The following GLG1 variants were observed in gnomAD, a reference collection of about 807,000 sequenced individuals.
GLG1 encodes the protein golgi glycoprotein 1.
In GLG1, 38 loss-of-function variants were observed where a neutral mutation model predicts 160.5. The ratio of observed to expected loss-of-function variants is 0.24; its 90% CI spans 0.18 to 0.31. The LOEUF (loss-of-function observed/expected upper bound fraction) is 0.31. Among genes scored for constraint, GLG1 ranks in the 10% least tolerant of loss-of-function variants. The pLI, the probability that GLG1 is intolerant of heterozygous loss-of-function variation, is 1.00. For missense variants in GLG1, 1,373 were observed against 1,505.2 expected (o/e 0.91, Z 1.45); for synonymous variants, 644 against 543.4 (o/e 1.19, Z -2.57).
intron 2 of GLG1, among the ~76,000 whole-genome samples, chr16:74,509,934 G>C (rs1433121554): frequency 2.0e-5 from 3 of 151,308 alleles, no homozygotes; most frequent in African/African-American, 7.3e-5. Context: ...CAATTCCCCT[G>C]CCTTGGCCTC....
chr16:74,474,884 T>C (rs1274570423), intron 12 of GLG1, among the ~76,000 whole-genome samples: 1 of 152,002 alleles, frequency 6.6e-6, no homozygotes. Context: ...AGGCTGGGCA[T>C]GATGGCTCAC....
chr16:74,477,260 G>A (rs1597243397), intron 12 of GLG1, 136 bp downstream of exon 12: 2 of 742,146 alleles, frequency 2.7e-6, no homozygotes, highest in East Asian at 2.8e-5. Context: ...TTCTTCCAGA[G>A]AAAATATTGA....
intron 16 of GLG1, chr16:74,469,358 C>A: frequency 2.4e-6 from 1 of 423,198 alleles, no homozygotes; most frequent in African/African-American, 2.0e-5. Context: ...CATGTGACCA[C>A]AGAGGAATGC....
At chr16:74,597,629 G>A (rs768628802) in intron 1 of GLG1, among the ~76,000 whole-genome samples, 5 of 151,774 alleles carry the variant, frequency 3.3e-5, no homozygotes, top group Non-Finnish European at 5.9e-5. Flanking sequence ...CGAAGCTGGC[G>A]GATAACGAGG....
At chr16:74,599,149 T>C (rs555440293) in intron 1 of GLG1, among the ~76,000 whole-genome samples, 22 of 152,328 alleles carry the variant, frequency 1.4e-4, no homozygotes, top group African/African-American at 5.3e-4. Flanking sequence ...ACTTTACAGG[T>C]AATTCTCAAT....
chr16:74,573,203 C>CA (rs889189874), intron 1 of GLG1, among the ~76,000 whole-genome samples: 72 of 152,034 alleles, frequency 4.7e-4, no homozygotes, highest in Admixed American at 7.9e-4. Flanking sequence ...TATTTCTAGA[C>CA]AAAAAAACCC....
chr16:74,497,029 A>G (rs1001056588), intron 4 of GLG1, among the ~76,000 whole-genome samples: 18 of 152,172 alleles, frequency 1.2e-4, no homozygotes, highest in Non-Finnish European at 2.6e-4. Context: ...CTGTAATTTC[A>G]GCACTTTGGA....
At chr16:74,544,995 T>G (rs1418376313) in intron 1 of GLG1, among the ~76,000 whole-genome samples, 6 of 151,026 alleles carry the variant, frequency 4.0e-5, no homozygotes, top group Non-Finnish European at 2.9e-5. Flanking sequence ...ACAAAAGAAG[T>G]GTTCTATTAA....
chr16:74,474,195 G>A (rs553998673), intron 13 of GLG1: 4 of 170,462 alleles, frequency 2.3e-5, no homozygotes, highest in South Asian at 1.7e-4. Flanking sequence ...CTCGAGATCC[G>A]CCTGCCTCGG....
intron 1 of GLG1, among the ~76,000 whole-genome samples, chr16:74,568,510 C>T (rs1372717897): frequency 5.9e-5 from 9 of 151,656 alleles, no homozygotes; most frequent in Non-Finnish European, 1.0e-4. Flanking sequence ...CTCCGCCTCC[C>T]GGGTTCAAGC....
intron 2 of GLG1, among the ~76,000 whole-genome samples, chr16:74,525,834 T>G (rs1210208846): frequency 6.6e-6 from 1 of 151,502 alleles, no homozygotes; most frequent in East Asian, 1.9e-4. Flanking sequence ...TAGTGTCTGA[T>G]GCACAAAAGT....
chr16:74,484,126 T>G (rs2015704714), intron 9 of GLG1, among the ~76,000 whole-genome samples: 1 of 152,050 alleles, frequency 6.6e-6, no homozygotes, highest in Non-Finnish European at 1.5e-5. Flanking sequence ...CTGTAAATAT[T>G]CCTAATTAGT....
intron 1 of GLG1, among the ~76,000 whole-genome samples, chr16:74,557,735 A>G (rs1187924634): frequency 6.6e-6 from 1 of 151,982 alleles, no homozygotes; most frequent in East Asian, 1.9e-4. Context: ...GTTCCTTGGT[A>G]GAAAGTGTCC....
rs1567483078 is a variant in GLG1 at position 74,498,447 on chromosome 16, AGTAT to A, written c.775-1807_775-1804del. ...AGGCTCTGTCTCAAAAAAAAAAAAA[AGTAT>A]ATATATATATATATATTATATTTTA... is the stretch of plus-strand genomic sequence containing the variant. On this transcript the variant is annotated intron_variant, in intron 4 of 25. Transcript: ENST00000422840. Among the ~76,000 whole-genome samples, 16 of 8,226 alleles carry A rather than the reference AGTAT, an allele frequency of 1.9e-3. 3 individuals are homozygous for A. Among genetic ancestry groups the A allele is most frequent in the Admixed American group, 5.8e-3 (2 of 346 alleles). The allele number at this position is 8,226 out of a possible 152,430, so 5.4% of individuals were successfully genotyped here.
At chr16:74,504,613 T>C (rs1190962013) in intron 3 of GLG1, among the ~76,000 whole-genome samples, 1 of 152,228 alleles carries the variant, frequency 6.6e-6, no homozygotes, top group Admixed American at 6.5e-5. Context: ...CATTAATGTG[T>C]TCTAAATTAA....
intron 22 of GLG1, chr16:74,461,400 C>G (rs1314539227): frequency 6.6e-6 from 1 of 150,544 alleles, no homozygotes; most frequent in African/African-American, 2.4e-5. Flanking sequence ...ATCTCCTGAC[C>G]TCATGATCTG....
chr16:74,518,891 T>C (rs1254614486), intron 2 of GLG1, among the ~76,000 whole-genome samples: 1 of 152,056 alleles, frequency 6.6e-6, no homozygotes, highest in Non-Finnish European at 1.5e-5. Flanking sequence ...TTGGTGGGAG[T>C]GTAAATTAGT....
At chr16:74,480,181 G>T in intron 11 of GLG1, 60 bp downstream of exon 11, 2 of 1,369,862 alleles carry the variant, frequency 1.5e-6, no homozygotes, top group Non-Finnish European at 2.1e-6. Context: ...AGAATATACA[G>T]CAAACAATTT....
chr16:74,462,955 A>AT (rs5817909), intron 20 of GLG1: 132,953 of 419,990 alleles, frequency 0.32, 22,283 homozygotes, highest in Middle Eastern at 0.37. Context: ...AACACTGAAA[A>AT]AGAAATACAA....
Sources: allele counts gnomAD v4.1 joint callset (sites outside exome capture counted in the v4.1 genomes callset), GRCh38; gene constraint gnomAD v4.1.1; transcripts MANE v1.5; gene names NCBI Gene and HGNC (gene_info 2026-07-23, HGNC 2026-07-21).